UHRF1: variants seen among roughly 807,000 people sequenced by gnomAD.
UHRF1 encodes E3 ubiquitin-protein ligase UHRF1.
A neutral mutation model predicts 96.5 loss-of-function variants in UHRF1; 9 were observed. The observed-to-expected ratio is 0.09, with a 90% CI of 0.06 to 0.16. UHRF1 has a LOEUF of 0.16. UHRF1 is among the 10% of genes least tolerant of loss of function. The pLI is 1.00. For missense variants in UHRF1, 626 were observed against 1,131.1 expected (o/e 0.55, Z 6.40); for synonymous variants, 455 against 469.9 (o/e 0.97, Z 0.41).
intron 5 of UHRF1, among the ~76,000 whole-genome samples, chr19:4,939,669 A>G (rs907141583): frequency 1.3e-5 from 2 of 152,134 alleles, no homozygotes; most frequent in Admixed American, 1.3e-4. Flanking sequence ...CCCATAGCCA[A>G]GAGCCACCTG....
At chr19:4,928,299 T>G (rs1599259914) in intron 2 of UHRF1, among the ~76,000 whole-genome samples, 1 of 150,324 alleles carries the variant, frequency 6.7e-6, no homozygotes, top group East Asian at 2.0e-4. Flanking sequence ...ACTTGTTGCC[T>G]TGGGGGCATC....
At chr19:4,951,329 C>G (rs1196210570) in intron 13 of UHRF1, among the ~76,000 whole-genome samples, 1 of 152,134 alleles carries the variant, frequency 6.6e-6, no homozygotes, top group Non-Finnish European at 1.5e-5. Context: ...ACCATGTGTC[C>G]TGCTTGGAGG....
At chr19:4,915,991 G>C (rs1401708173) in intron 2 of UHRF1, among the ~76,000 whole-genome samples, 6 of 152,104 alleles carry the variant, frequency 3.9e-5, no homozygotes, top group African/African-American at 1.4e-4. Context: ...TGTCTGTGTG[G>C]ATTATGTCTG....
chr19:4,919,459 C>T (rs1267461869), intron 2 of UHRF1, among the ~76,000 whole-genome samples: 2 of 151,876 alleles, frequency 1.3e-5, no homozygotes, highest in African/African-American at 4.8e-5. Flanking sequence ...CCCGCCACCT[C>T]GCCCAGCTAA....
intron 2 of UHRF1, among the ~76,000 whole-genome samples, chr19:4,915,345 G>T (rs756962892): frequency 2.0e-5 from 3 of 152,224 alleles, no homozygotes; most frequent in Admixed American, 6.5e-5. Flanking sequence ...CACCACTGCT[G>T]TTGTGGCCCC....
At chr19:4,919,730 G>C (rs1487776127) in intron 2 of UHRF1, among the ~76,000 whole-genome samples, 1 of 151,998 alleles carries the variant, frequency 6.6e-6, no homozygotes, top group Non-Finnish European at 1.5e-5. Flanking sequence ...CATTTAATAG[G>C]GACATTCAAC....
intron 16 of UHRF1, 118 bp from the exon 17 acceptor site, chr19:4,960,539 T>A: frequency 1.4e-6 from 2 of 1,414,428 alleles, no homozygotes; most frequent in Non-Finnish European, 1.9e-6. Context: ...AAAGTGAGAC[T>A]GAAGGTCAGA....
chr19:4,928,580 T>C (rs1373054651), intron 2 of UHRF1, among the ~76,000 whole-genome samples: 3 of 152,122 alleles, frequency 2.0e-5, no homozygotes, highest in Non-Finnish European at 1.5e-5. Flanking sequence ...TCAGAGGAGG[T>C]GCCCTGGCAG....
At chr19:4,920,352 A>AACCCGGG (rs2032663726) in intron 2 of UHRF1, among the ~76,000 whole-genome samples, 1 of 151,858 alleles carries the variant, frequency 6.6e-6, no homozygotes, top group African/African-American at 2.4e-5. Context: ...GAATCGCTTG[A>AACCCGGG]ACCCGGGAGA....
chr19:4,950,790 G>A lies in UHRF1; in HGVS notation c.1680+17G>A, dbSNP rs1467221840. The A allele has an allele frequency of 6.2e-7, 1 of 1,613,528 alleles. No individual in the cohort carries two copies. The highest frequency in any genetic ancestry group is 1.7e-5 in the Admixed American group (1 of 59,856). On this transcript the variant is annotated intron_variant, in intron 12 of 16. Transcript: ENST00000650932. Reference sequence around the variant, plus strand: ...ATCTACAAGGTGAGTGCCCCTTGAGGAGGCCGGGGGCTCTGTCCCCGCCGG... The same window carrying A: ...ATCTACAAGGTGAGTGCCCCTTGAGAAGGCCGGGGGCTCTGTCCCCGCCGG...
intron 2 of UHRF1, 108 bp from the exon 3 acceptor site, chr19:4,929,114 C>G: frequency 7.6e-7 from 1 of 1,324,498 alleles, no homozygotes; most frequent in African/African-American, 2.3e-5. Context: ...TGCAGATTGC[C>G]CCCCCCCCAC....
intron 11 of UHRF1, among the ~76,000 whole-genome samples, chr19:4,949,702 T>C (rs1343124985): frequency 2.0e-5 from 3 of 152,188 alleles, no homozygotes; most frequent in Middle Eastern, 6.3e-3. Flanking sequence ...TAGCTGGTTA[T>C]GGTCGTGTGG....
At chr19:4,921,321 C>T (rs1228870578) in intron 2 of UHRF1, among the ~76,000 whole-genome samples, 10 of 151,950 alleles carry the variant, frequency 6.6e-5, no homozygotes, top group Admixed American at 1.3e-4. Flanking sequence ...TGTCTGTCAT[C>T]GCAGCTACTC....
intron 2 of UHRF1, among the ~76,000 whole-genome samples, chr19:4,920,748 A>G (rs534609523): frequency 6.6e-6 from 1 of 152,312 alleles, no homozygotes; most frequent in East Asian, 1.9e-4. Flanking sequence ...TGAGTTACAG[A>G]TGCCATAACT....
intron 2 of UHRF1, among the ~76,000 whole-genome samples, chr19:4,916,365 C>T (rs149583071): frequency 6.6e-6 from 1 of 152,074 alleles, no homozygotes; most frequent in East Asian, 1.9e-4. Flanking sequence ...AGAAGACAAG[C>T]GCGCCCCCTC....
intron 2 of UHRF1, among the ~76,000 whole-genome samples, chr19:4,923,407 G>C (rs905913477): frequency 6.6e-6 from 1 of 152,136 alleles, no homozygotes; most frequent in Non-Finnish European, 1.5e-5. Flanking sequence ...CCTGTCCTCC[G>C]TCTTGGGTGG....
At chr19:4,946,631 G>A (rs532319756) in intron 10 of UHRF1, among the ~76,000 whole-genome samples, 3 of 151,438 alleles carry the variant, frequency 2.0e-5, no homozygotes, top group African/African-American at 7.3e-5. Flanking sequence ...CTGGAGTGCA[G>A]TGGTGTGATC....
intron 7 of UHRF1, among the ~76,000 whole-genome samples, chr19:4,942,406 G>A (rs1286205541): frequency 6.6e-6 from 1 of 151,846 alleles, no homozygotes; most frequent in African/African-American, 2.4e-5. Context: ...TAGCCAGGAT[G>A]TTCTTGATCC....
chr19:4,946,720 A>G (rs1363805831), intron 10 of UHRF1, among the ~76,000 whole-genome samples: 7 of 151,994 alleles, frequency 4.6e-5, no homozygotes, highest in Non-Finnish European at 1.5e-5. Context: ...GACTACAGGC[A>G]GGCACTGCCA....
Sources: gnomAD v4.1 joint callset for allele counts (sites outside exome capture counted in the v4.1 genomes callset) on GRCh38, gnomAD v4.1.1 for gene constraint, MANE v1.5 for transcripts, NCBI Gene and HGNC (gene_info 2026-07-23, HGNC 2026-07-21) for gene names.